Variants in PSD3 observed in about 807,000 individuals in gnomAD.
PSD3 encodes pleckstrin and Sec7 domain containing 3.
PSD3 carries 49 observed loss-of-function variants against 105.5 expected under a neutral mutation model. The ratio of observed to expected loss-of-function variants is 0.46; its 90% confidence interval spans 0.37 to 0.59. The LOEUF (loss-of-function observed/expected upper bound fraction) is 0.59, where lower values mean the gene tolerates loss of function less well. Ranked by LOEUF, PSD3 falls within the 20% of genes least tolerant of loss-of-function variation. The probability of loss-of-function intolerance (pLI) is 0.00; values close to 1 mark genes in which losing one functional copy is unlikely to be tolerated. For missense variants in PSD3, 1,561 were observed against 1,263.8 expected (o/e 1.24, Z -3.57); for synonymous variants, 557 against 457.8 (o/e 1.22, Z -2.77).
At chr8:18,959,164 G>C (rs576812776) in intron 1 of PSD3, among the ~76,000 whole-genome samples, 1 of 152,058 alleles carries the variant, frequency 6.6e-6, no homozygotes, top group Non-Finnish European at 1.5e-5. Flanking sequence ...CAAGTGACCC[G>C]CCCGACTCGG....
intron 8 of PSD3, among the ~76,000 whole-genome samples, chr8:18,766,369 C>T (rs1305578115): frequency 6.6e-6 from 1 of 152,120 alleles, no homozygotes; most frequent in Non-Finnish European, 1.5e-5. Flanking sequence ...GGTTTATATA[C>T]ACATACATAC....
At position 18,868,072 on chromosome 8, in the gene PSD3, G is replaced by T; in HGVS notation, c.1239-3C>A. The T allele has an allele frequency of 6.3e-7, 1 of 1,591,610 alleles. No individual in the cohort carries two copies. The highest frequency in any genetic ancestry group is 8.5e-7 in the Non-Finnish European group (1 of 1,169,910). ...CGTGCTCCTCTTGTTCGCTGATCCTGGAAAGTAAATAAGAGTGAAGAATTC... is the reference window on the plus strand; with the variant it reads ...CGTGCTCCTCTTGTTCGCTGATCCTTGAAAGTAAATAAGAGTGAAGAATTC... On this transcript the variant is annotated splice_region_variant and splice_polypyrimidine_tract_variant and intron_variant, in intron 3 of 15. Coordinates refer to ENST00000327040, the MANE Select transcript of PSD3 (RefSeq NM_015310.4).
intron 9 of PSD3, among the ~76,000 whole-genome samples, chr8:18,764,711 T>A (rs567330962): frequency 6.6e-6 from 1 of 152,322 alleles, no homozygotes; most frequent in African/African-American, 2.4e-5. Context: ...TTAAAGAAAT[T>A]GATTCCAAAA....
At chr8:18,885,777 T>G (rs1818413150) in intron 2 of PSD3, among the ~76,000 whole-genome samples, 1 of 152,186 alleles carries the variant, frequency 6.6e-6, no homozygotes, top group South Asian at 2.1e-4. Context: ...GAGTTGAAAG[T>G]CAGTTTCCAT....
At chr8:18,978,180 C>T (rs1187326938) in intron 1 of PSD3, among the ~76,000 whole-genome samples, 2 of 152,360 alleles carry the variant, frequency 1.3e-5, no homozygotes, top group Non-Finnish European at 2.9e-5. Flanking sequence ...CTGAAGTTTG[C>T]TGAAAAGGCC....
intron 1 of PSD3, among the ~76,000 whole-genome samples, chr8:18,948,293 T>C (rs940117994): frequency 2.0e-5 from 3 of 152,184 alleles, no homozygotes; most frequent in Non-Finnish European, 4.4e-5. Flanking sequence ...TTTGAACACA[T>C]CTTACTGGCT....
chr8:19,064,419 G>A (rs530518358), intron 1 of PSD3, among the ~76,000 whole-genome samples: 31 of 151,986 alleles, frequency 2.0e-4, no homozygotes, highest in African/African-American at 7.5e-4. Flanking sequence ...ACCTATTTAT[G>A]GGGTAAATGC....
chr8:18,743,572 T>C (rs1046178942), intron 9 of PSD3, among the ~76,000 whole-genome samples: 2 of 152,150 alleles, frequency 1.3e-5, no homozygotes, highest in Non-Finnish European at 2.9e-5. Context: ...TAAGAACCTT[T>C]CATTCAAAAT....
At chr8:18,770,078 A>T (rs1329181027) in intron 8 of PSD3, among the ~76,000 whole-genome samples, 1 of 152,194 alleles carries the variant, frequency 6.6e-6, no homozygotes, top group Non-Finnish European at 1.5e-5. Flanking sequence ...TGGCTGCACC[A>T]TTTCACATTC....
At chr8:18,815,177 C>T (rs991051775) in intron 4 of PSD3, among the ~76,000 whole-genome samples, 1 of 152,144 alleles carries the variant, frequency 6.6e-6, no homozygotes, top group African/African-American at 2.4e-5. Flanking sequence ...TTGCTCCCAC[C>T]CCCTTTTCTC....
At chr8:18,700,260 A>C (rs1320673238) in intron 9 of PSD3, among the ~76,000 whole-genome samples, 2 of 152,210 alleles carry the variant, frequency 1.3e-5, no homozygotes, top group East Asian at 1.9e-4. Flanking sequence ...TAATCACTTA[A>C]TTAGATGTAC....
At chr8:18,536,960 A>G (rs1585192913) in intron 15 of PSD3, among the ~76,000 whole-genome samples, 1 of 152,254 alleles carries the variant, frequency 6.6e-6, no homozygotes, top group East Asian at 1.9e-4. Flanking sequence ...AACTGTCCCA[A>G]CAAAGGCAGG....
chr8:18,606,951 G>A (rs1008288542), intron 11 of PSD3, among the ~76,000 whole-genome samples: 3 of 152,136 alleles, frequency 2.0e-5, no homozygotes, highest in Non-Finnish European at 2.9e-5. Flanking sequence ...ATTCTGAAAG[G>A]TAGAGTATGC....
intron 9 of PSD3, among the ~76,000 whole-genome samples, chr8:18,670,105 A>C (rs1181745082): frequency 6.6e-6 from 1 of 152,176 alleles, no homozygotes; most frequent in Non-Finnish European, 1.5e-5. Flanking sequence ...AGGTCACTGG[A>C]AAGAGTAGCC....
At chr8:18,748,631 G>C (rs1180599175) in intron 9 of PSD3, among the ~76,000 whole-genome samples, 4 of 144,174 alleles carry the variant, frequency 2.8e-5, no homozygotes, top group African/African-American at 1.0e-4. Context: ...CTGCACTCCA[G>C]CCTGGGCGAC....
At chr8:18,897,986 G>T (rs950494979) in intron 2 of PSD3, among the ~76,000 whole-genome samples, 1 of 152,076 alleles carries the variant, frequency 6.6e-6, no homozygotes, top group Non-Finnish European at 1.5e-5. Flanking sequence ...TGGAGAAAGT[G>T]GTCATTCTTG....
chr8:18,562,276 T>A (rs1207635449), intron 14 of PSD3, among the ~76,000 whole-genome samples: 1 of 152,170 alleles, frequency 6.6e-6, no homozygotes, highest in Non-Finnish European at 1.5e-5. Flanking sequence ...CTGGCCACTG[T>A]CCTTTCTACC....
intron 9 of PSD3, among the ~76,000 whole-genome samples, chr8:18,719,090 C>G (rs184991971): frequency 2.0e-5 from 3 of 151,420 alleles, no homozygotes; most frequent in Non-Finnish European, 4.4e-5. Context: ...AGACAGAGAT[C>G]GAAAATTAGG....
chr8:18,907,242 AC>A, intron 2 of PSD3, among the ~76,000 whole-genome samples: 1 of 152,174 alleles, frequency 6.6e-6, no homozygotes. Flanking sequence ...ATATTCACTC[AC>A]CGATTCACTC....
Sources: allele counts gnomAD v4.1 joint callset (sites outside exome capture counted in the v4.1 genomes callset), GRCh38; gene constraint gnomAD v4.1.1; transcripts MANE v1.5; gene names NCBI Gene and HGNC (gene_info 2026-07-23, HGNC 2026-07-21).